The following LPIN1 variants were observed in gnomAD, a reference collection of about 807,000 sequenced individuals.
LPIN1 encodes the protein phosphatidate phosphatase LPIN1.
A neutral mutation model predicts 107.5 loss-of-function variants in LPIN1; 71 were observed. The observed-to-expected ratio is 0.66, with a 90% confidence interval of 0.55 to 0.80. LPIN1 has a LOEUF of 0.80. LPIN1 is among the 30% of genes least tolerant of loss of function. The pLI is 0.00. For synonymous variants in LPIN1, 445 were observed against 452.6 expected, an observed-to-expected ratio of 0.98 and a Z score of 0.21; for missense variants, 1,043 against 1,160.6, an observed-to-expected ratio of 0.90 and a Z score of 1.47.
chr2:11,725,118 G>A (rs971988604), intron 1 of LPIN1, among the ~76,000 whole-genome samples: 2 of 152,090 alleles, frequency 1.3e-5, no homozygotes, highest in African/African-American at 2.4e-5. Flanking sequence ...AACATTAGCC[G>A]GGCGTGTTGG....
intron 7 of LPIN1, 59 bp downstream of exon 7, chr2:11,779,704 T>C: frequency 9.3e-6 from 15 of 1,607,586 alleles, no homozygotes; most frequent in Non-Finnish European, 1.3e-5. Context: ...TTAAATTACA[T>C]GGAATTAGTA....
chr2:11,799,693 G>A (rs978780402), intron 14 of LPIN1, among the ~76,000 whole-genome samples: 137 of 151,944 alleles, frequency 9.0e-4, no homozygotes, highest in Admixed American at 3.3e-4. Flanking sequence ...CTTTGCTGGG[G>A]CTTATGTCTG....
At chr2:11,823,584 T>A (rs1681934869) in intron 20 of LPIN1, among the ~76,000 whole-genome samples, 1 of 152,160 alleles carries the variant, frequency 6.6e-6, no homozygotes, top group Admixed American at 6.5e-5. Flanking sequence ...GGAGTCTGGA[T>A]TTTGGAAGTT....
intron 2 of LPIN1, among the ~76,000 whole-genome samples, chr2:11,718,968 C>T (rs939493056): frequency 6.6e-6 from 1 of 151,162 alleles, no homozygotes; most frequent in African/African-American, 2.4e-5. Flanking sequence ...TATTGCCCGA[C>T]TTTTTTGGTC....
At chr2:11,773,797 A>T in intron 5 of LPIN1, 52 bp downstream of exon 5, 1 of 1,585,052 alleles carries the variant, frequency 6.3e-7, no homozygotes, top group Non-Finnish European at 8.6e-7. Context: ...GAAGTCAGTG[A>T]TAGGAAGCAA....
At chr2:11,797,746 C>T (rs552855064) in intron 14 of LPIN1, among the ~76,000 whole-genome samples, 1 of 152,164 alleles carries the variant, frequency 6.6e-6, no homozygotes, top group Non-Finnish European at 1.5e-5. Context: ...GCAGAGGGGA[C>T]CTGTCTCAGA....
At chr2:11,752,433 A>ATGTTTTTTTT (rs1667944835) in intron 1 of LPIN1, among the ~76,000 whole-genome samples, 2 of 103,914 alleles carry the variant, frequency 1.9e-5, no homozygotes, top group Non-Finnish European at 3.5e-5. Flanking sequence ...TTCCAAGGCC[A>ATGTTTTTTTT]TTTTTTTTTT....
intron 14 of LPIN1, among the ~76,000 whole-genome samples, chr2:11,800,938 G>A (rs1470489425): frequency 1.3e-5 from 2 of 152,148 alleles, no homozygotes; most frequent in South Asian, 4.1e-4. Context: ...CATTTAACGG[G>A]TTGTCTCTTC....
chr2:11,736,294 C>T (rs896117947), intron 1 of LPIN1, among the ~76,000 whole-genome samples: 2 of 152,228 alleles, frequency 1.3e-5, no homozygotes, highest in African/African-American at 4.8e-5. Context: ...AAATTTCTAT[C>T]TCATGGTTCT....
chr2:11,752,658 C>T (rs1668033831), intron 1 of LPIN1, among the ~76,000 whole-genome samples: 1 of 151,544 alleles, frequency 6.6e-6, no homozygotes. Context: ...GTCTCGATCT[C>T]CTGACCTCGT....
upstream of LPIN1, among the ~76,000 whole-genome samples, chr2:11,719,350 A>G (rs564511065): frequency 6.6e-6 from 1 of 152,334 alleles, no homozygotes; most frequent in East Asian, 1.9e-4. Flanking sequence ...TTCATTCTGG[A>G]ATAAAAAGTC....
chr2:11,780,062 G>T (rs1005015255), intron 7 of LPIN1, among the ~76,000 whole-genome samples: 2 of 152,092 alleles, frequency 1.3e-5, no homozygotes, highest in Non-Finnish European at 2.9e-5. Context: ...TGTATTTTTA[G>T]TAGAGACGGG....
At chr2:11,753,168 C>T (rs569670686) in intron 1 of LPIN1, among the ~76,000 whole-genome samples, 16 of 152,024 alleles carry the variant, frequency 1.1e-4, no homozygotes, top group Middle Eastern at 3.4e-3. Flanking sequence ...AAGCTCACTG[C>T]AAGAGCTGCA....
intron 1 of LPIN1, among the ~76,000 whole-genome samples, chr2:11,681,846 G>A (rs964526347): frequency 6.6e-6 from 1 of 152,196 alleles, no homozygotes; most frequent in Non-Finnish European, 1.5e-5. Context: ...ACCAACCAGA[G>A]GCCTGAACAG....
intron 1 of LPIN1, among the ~76,000 whole-genome samples, chr2:11,698,117 C>A (rs1662680632): frequency 6.6e-6 from 1 of 152,112 alleles, no homozygotes; most frequent in Non-Finnish European, 1.5e-5. Flanking sequence ...TGTCTGTGAC[C>A]CAGAATAGCT....
chr2:11,785,866 C>T lies in LPIN1; in HGVS notation c.1549+790C>T, dbSNP rs373593118. ...AAAGATTGAGACCTTTTTGTTCTCA[C>T]GCCCGTGCCAGCCAGTCCCTTGAGA... On this transcript the variant is annotated intron_variant, in intron 10 of 20. Transcript: ENST00000674199. Among the ~76,000 whole-genome samples, 14 of 152,300 alleles carry T rather than the reference C, an allele frequency of 9.2e-5. No individual in the cohort carries two copies. In the East Asian group the frequency reaches 1.5e-3, roughly 17 times the overall value.
At chr2:11,784,643 T>C in intron 9 of LPIN1, 1 of 579,260 alleles carries the variant, frequency 1.7e-6, no homozygotes, top group Non-Finnish European at 3.1e-6. Context: ...GCTTGCTTCT[T>C]CTTCAGTATA....
intron 1 of LPIN1, among the ~76,000 whole-genome samples, chr2:11,705,899 A>T (rs1663102375): frequency 6.6e-6 from 1 of 152,208 alleles, no homozygotes; most frequent in African/African-American, 2.4e-5. Context: ...AACTCCCACA[A>T]TTCCCATGTG....
Position 11,795,488 on chromosome 2 carries a change from G to C in LPIN1, c.1886+1G>C. ...CGCCGCAGCTCAGCTTGGCCACCAG[G>C]TGCGGTAGGAGGCTTCTTGGGATGT... On this transcript the variant is annotated splice_donor_variant, in intron 14 of 20. Coordinates refer to ENST00000674199, the MANE Select transcript of LPIN1 (RefSeq NM_001349206.2). LOFTEE classifies it high-confidence loss of function. 6.2e-7 allele frequency: 1 copy of C among 1,614,038 alleles called. No individual in the cohort carries two copies. Among genetic ancestry groups the C allele is most frequent in the Non-Finnish European group, 8.5e-7 (1 of 1,179,928 alleles).
Sources: gnomAD v4.1 joint callset for allele counts (sites outside exome capture counted in the v4.1 genomes callset) on GRCh38, gnomAD v4.1.1 for gene constraint, MANE v1.5 for transcripts, NCBI Gene and HGNC (gene_info 2026-07-23, HGNC 2026-07-21) for gene names.